Variants in SPTBN1 observed in about 807,000 individuals in gnomAD.
SPTBN1 encodes spectrin beta, non-erythrocytic 1, also known as spectrin beta chain, non-erythrocytic 1.
A neutral mutation model predicts 266.4 loss-of-function variants in SPTBN1; 32 were observed. The ratio of observed to expected loss-of-function variants is 0.12; its 90% confidence interval spans 0.09 to 0.16. The LOEUF is 0.16. Among genes scored for constraint, SPTBN1 ranks in the 10% least tolerant of loss-of-function variants. SPTBN1 has a pLI of 1.00. For synonymous variants in SPTBN1, 1,336 were observed against 1,162.2 expected, an observed-to-expected ratio of 1.15 and a Z score of -3.04; for missense variants, 2,296 against 3,067.1, an observed-to-expected ratio of 0.75 and a Z score of 5.94.
intron 2 of SPTBN1, among the ~76,000 whole-genome samples, chr2:54,572,441 A>G (rs764852281): frequency 2.6e-4 from 39 of 152,316 alleles, no homozygotes; most frequent in Non-Finnish European, 5.0e-4. Flanking sequence ...CTTTGTTTAC[A>G]GAGATAACAG....
chr2:54,537,694 A>T (rs1251376887), intron 2 of SPTBN1, among the ~76,000 whole-genome samples: 2 of 152,230 alleles, frequency 1.3e-5, no homozygotes, highest in East Asian at 3.8e-4. Flanking sequence ...AAGGCTTTTC[A>T]TCTCTCCATC....
intron 1 of SPTBN1, chr2:54,516,150 T>C (rs1217830650): frequency 6.6e-6 from 1 of 152,214 alleles, no homozygotes; most frequent in Non-Finnish European, 1.5e-5. Context: ...ATTTGTTCAT[T>C]TAAAGCATGG....
chr2:54,567,961 A>C lies in SPTBN1; in HGVS notation c.149-31131A>C, dbSNP rs571335843. On this transcript the variant is annotated intron_variant, in intron 2 of 35. Transcript: ENST00000356805. ...TAGGGGACTTAGAACCTTGTTATTC[A>C]GTATAGATAGATGACTTGGGGTTTG... 9.7e-4 allele frequency among the ~76,000 whole-genome samples: 148 copies of C among 152,326 alleles called. 2 individuals are homozygous for C. The highest frequency in any genetic ancestry group is 3.2e-3 in the African/African-American group (131 of 41,564).
At chr2:54,624,101 T>C (rs779243988) in intron 10 of SPTBN1, among the ~76,000 whole-genome samples, 1 of 152,224 alleles carries the variant, frequency 6.6e-6, no homozygotes, top group Non-Finnish European at 1.5e-5. Flanking sequence ...TCTAGAACTT[T>C]GGTCACTTGT....
chr2:54,514,872 A>G (rs1670036875), intron 1 of SPTBN1, among the ~76,000 whole-genome samples: 1 of 152,222 alleles, frequency 6.6e-6, no homozygotes, highest in Non-Finnish European at 1.5e-5. Context: ...AGAGGGACTT[A>G]GTTTGTAGTT....
rs112451229 is a variant in SPTBN1, at chr2:54,632,880, A to G, written c.3767+112A>G. ...AGGTATAAATTTCCCAGTGGGCAGA[A>G]TATGGGTGCCCAGCAGAAGTTCATC... On this transcript the variant is annotated intron_variant, in intron 17 of 35. Coordinates refer to ENST00000356805, the MANE Select transcript of SPTBN1 (RefSeq NM_003128.3). The G allele has an allele frequency of 2.0e-5, 23 of 1,150,082 alleles. No individual in the cohort carries two copies. The African/African-American group carries it at 2.2e-4, about 11-fold the overall frequency. 71.2% of individuals were successfully genotyped at this position (1,150,082 alleles called of 1,614,324 possible). A position where few individuals can be genotyped will look rare whatever the true frequency, so the allele number is the denominator to read the frequency against.
chr2:54,530,995 G>A (rs1671203008), intron 2 of SPTBN1, among the ~76,000 whole-genome samples: 1 of 152,184 alleles, frequency 6.6e-6, no homozygotes. Flanking sequence ...ATCTGTGGGG[G>A]GAGTTGGTGT....
chr2:54,598,577 G>A (rs1380848153), intron 2 of SPTBN1, among the ~76,000 whole-genome samples: 1 of 152,190 alleles, frequency 6.6e-6, no homozygotes, highest in Non-Finnish European at 1.5e-5. Context: ...GATGAGGGAA[G>A]CAGTTTTCTG....
chr2:54,579,675 G>A (rs1285805647), intron 2 of SPTBN1, among the ~76,000 whole-genome samples: 1 of 152,184 alleles, frequency 6.6e-6, no homozygotes, highest in African/African-American at 2.4e-5. Flanking sequence ...ACCTTTGTAA[G>A]TCCCGAGAAC....
intron 32 of SPTBN1, chr2:54,661,298 C>G (rs1056410576): frequency 4.1e-6 from 4 of 985,852 alleles, no homozygotes; most frequent in Non-Finnish European, 4.8e-6. Flanking sequence ...AAAACCAAAT[C>G]CATATTATAC....
intron 1 of SPTBN1, chr2:54,516,058 T>C (rs1670094660): frequency 6.6e-6 from 1 of 152,158 alleles, no homozygotes; most frequent in African/African-American, 2.4e-5. Flanking sequence ...CATTTCCTTA[T>C]TTATTTAAGA....
chr2:54,548,520 G>GT (rs765877279), intron 2 of SPTBN1, among the ~76,000 whole-genome samples: 1 of 152,204 alleles, frequency 6.6e-6, no homozygotes, highest in African/African-American at 2.4e-5. Flanking sequence ...ATTAAGGTGA[G>GT]TTTTCCCTGA....
At chr2:54,661,349 T>C in intron 32 of SPTBN1, 1 of 985,868 alleles carries the variant, frequency 1.0e-6, no homozygotes, top group Non-Finnish European at 1.2e-6. Context: ...TTTTGCCATA[T>C]TTAGATGTGT....
intron 28 of SPTBN1, 143 bp downstream of exon 28, chr2:54,655,351 C>G: frequency 8.4e-7 from 1 of 1,191,008 alleles, no homozygotes; most frequent in Non-Finnish European, 1.2e-6. Flanking sequence ...TCCTGTGCGT[C>G]TAGAATAATG....
intron 1 of SPTBN1, among the ~76,000 whole-genome samples, chr2:54,456,817 G>A (rs1320931108): frequency 6.6e-6 from 1 of 151,228 alleles, no homozygotes; most frequent in African/African-American, 2.4e-5. Flanking sequence ...CTGCCGTCCG[G>A]CCCCAGCCCC....
chr2:54,465,481 C>A (rs997700449), intron 1 of SPTBN1, among the ~76,000 whole-genome samples: 1 of 152,072 alleles, frequency 6.6e-6, no homozygotes, highest in Non-Finnish European at 1.5e-5. Context: ...TTTAGATTTA[C>A]TTTCAGTGAA....
At chr2:54,494,537 T>C (rs533802938) in intron 1 of SPTBN1, among the ~76,000 whole-genome samples, 1 of 152,362 alleles carries the variant, frequency 6.6e-6, no homozygotes, top group East Asian at 1.9e-4. Context: ...TGTAGCCATT[T>C]AATGGTATAC....
intron 2 of SPTBN1, among the ~76,000 whole-genome samples, chr2:54,577,383 C>T (rs1277873338): frequency 1.3e-5 from 2 of 152,190 alleles, no homozygotes; most frequent in Non-Finnish European, 2.9e-5. Flanking sequence ...GCATTTTTGG[C>T]TTCTCATGCT....
intron 1 of SPTBN1, among the ~76,000 whole-genome samples, chr2:54,484,597 C>T (rs1413999809): frequency 6.6e-6 from 1 of 152,242 alleles, no homozygotes; most frequent in Non-Finnish European, 1.5e-5. Context: ...CAAGTGTCTT[C>T]TGTAGTTGCC....
Sources: allele counts gnomAD v4.1 joint callset (sites outside exome capture counted in the v4.1 genomes callset), GRCh38; gene constraint gnomAD v4.1.1; transcripts MANE v1.5; gene names NCBI Gene and HGNC (gene_info 2026-07-23, HGNC 2026-07-21).